Variants in CSMD3 observed in about 807,000 individuals in gnomAD.
The protein encoded by CSMD3 is CUB and Sushi multiple domains 3.
CSMD3 carries 177 observed loss-of-function variants against 435.2 expected under a neutral mutation model. The observed-to-expected ratio is 0.41, with a 90% CI of 0.36 to 0.46. The LOEUF (loss-of-function observed/expected upper bound fraction) is 0.46. Among genes scored for constraint, CSMD3 ranks in the 20% least tolerant of loss-of-function variants. The probability of loss-of-function intolerance (pLI) is 0.34; values close to 1 mark genes in which losing one functional copy is unlikely to be tolerated. For missense variants in CSMD3, 4,265 were observed against 4,504.6 expected, an observed-to-expected ratio of 0.95 and a Z score of 1.52; for synonymous variants, 1,656 against 1,520.5, an observed-to-expected ratio of 1.09 and a Z score of -2.07.
chr8:112,535,623 T>C (rs1825997415), intron 27 of CSMD3, among the ~76,000 whole-genome samples: 1 of 151,824 alleles, frequency 6.6e-6, no homozygotes, highest in Non-Finnish European at 1.5e-5. Context: ...TTCAATGCCA[T>C]CCCCATCAAG....
chr8:112,775,278 CTT>C (rs1369118917), intron 13 of CSMD3, among the ~76,000 whole-genome samples: 2 of 151,734 alleles, frequency 1.3e-5, no homozygotes, highest in South Asian at 2.1e-4. Context: ...ATGTCTACCT[CTT>C]GTCTAACAAG....
At chr8:112,881,146 C>T (rs1474882808) in intron 10 of CSMD3, among the ~76,000 whole-genome samples, 1 of 151,978 alleles carries the variant, frequency 6.6e-6, no homozygotes, top group East Asian at 1.9e-4. Context: ...CTCCTTCATG[C>T]ACCTCACGTT....
chr8:113,162,290 T>C (rs1473224386), intron 4 of CSMD3, among the ~76,000 whole-genome samples: 1 of 151,976 alleles, frequency 6.6e-6, no homozygotes, highest in African/African-American at 2.4e-5. Context: ...AACTTGTCAC[T>C]CTAGGCCAGG....
intron 6 of CSMD3, among the ~76,000 whole-genome samples, chr8:112,979,860 T>TA (rs1350180760): frequency 6.6e-6 from 1 of 151,106 alleles, no homozygotes; most frequent in Non-Finnish European, 1.5e-5. Flanking sequence ...AATATGAACT[T>TA]ATCTGAAATA....
intron 31 of CSMD3, among the ~76,000 whole-genome samples, chr8:112,482,051 A>G (rs997013193): frequency 2.6e-5 from 4 of 152,286 alleles, no homozygotes; most frequent in African/African-American, 9.6e-5. Context: ...AGTGGCTTAT[A>G]AACCATTTTA....
At chr8:112,528,214 T>C (rs1825175063) in intron 27 of CSMD3, among the ~76,000 whole-genome samples, 1 of 152,152 alleles carries the variant, frequency 6.6e-6, no homozygotes, top group Admixed American at 6.5e-5. Flanking sequence ...TTAATATAAG[T>C]ACTAAAAATT....
intron 11 of CSMD3, among the ~76,000 whole-genome samples, chr8:112,853,308 C>T (rs1587481210): frequency 6.6e-6 from 1 of 152,092 alleles, no homozygotes; most frequent in Non-Finnish European, 1.5e-5. Context: ...TCACTGTAAG[C>T]TCTGCCTCCC....
intron 32 of CSMD3, among the ~76,000 whole-genome samples, chr8:112,467,268 A>G (rs531944601): frequency 7.7e-4 from 118 of 152,322 alleles, no homozygotes; most frequent in Middle Eastern, 3.4e-3. Context: ...CCCATTTTGA[A>G]CATACCAAGT....
chr8:113,251,847 T>C (rs879878113), intron 3 of CSMD3, among the ~76,000 whole-genome samples: 1 of 152,072 alleles, frequency 6.6e-6, no homozygotes, highest in Non-Finnish European at 1.5e-5. Flanking sequence ...AGAGTTTTTA[T>C]GTTTTTATAC....
intron 4 of CSMD3, among the ~76,000 whole-genome samples, chr8:113,101,516 T>C (rs1312189037): frequency 6.6e-6 from 1 of 152,066 alleles, no homozygotes; most frequent in Non-Finnish European, 1.5e-5. Context: ...AATCAATTTC[T>C]CTACATGATC....
rs551586355 is a variant in CSMD3, at chr8:112,845,385, T to C, written c.1755+13760A>G. On this transcript the variant is annotated intron_variant, in intron 11 of 70. Coordinates refer to ENST00000297405, the MANE Select transcript of CSMD3 (RefSeq NM_198123.2). ...TAGGTGGGAAGATAGGACAGGCTTCTAGGAAAAGGTAAAAGATTACCTGAG... is the reference window on the plus strand; with the variant it reads ...TAGGTGGGAAGATAGGACAGGCTTCCAGGAAAAGGTAAAAGATTACCTGAG... 1.7e-4 allele frequency among the ~76,000 whole-genome samples: 26 copies of C among 152,128 alleles called. 1 individual carries two copies. The highest frequency in any genetic ancestry group is 1.4e-3 in the Admixed American group (22 of 15,228).
intron 4 of CSMD3, among the ~76,000 whole-genome samples, chr8:113,127,573 T>C (rs1456131539): frequency 2.0e-5 from 3 of 152,018 alleles, no homozygotes; most frequent in Non-Finnish European, 4.4e-5. Context: ...CAATAAATCC[T>C]GAATATGCCA....
At chr8:112,253,232 A>G (rs1383018363) in intron 63 of CSMD3, among the ~76,000 whole-genome samples, 1 of 151,944 alleles carries the variant, frequency 6.6e-6, no homozygotes, top group African/African-American at 2.4e-5. Context: ...CTAGTTGCCC[A>G]TTTTTCAGGA....
At chr8:112,314,368 T>G (rs1187101812) in intron 48 of CSMD3, 61 bp downstream of exon 48, 4 of 1,210,878 alleles carry the variant, frequency 3.3e-6, no homozygotes, top group African/African-American at 3.0e-5. Context: ...AAAGTTTACA[T>G]GTATAATTAG....
intron 1 of CSMD3, among the ~76,000 whole-genome samples, chr8:113,411,807 G>C (rs1440925737): frequency 1.3e-5 from 2 of 152,076 alleles, no homozygotes; most frequent in Admixed American, 1.3e-4. Context: ...TACAGTTTTA[G>C]TGAAAAACTC....
intron 3 of CSMD3, among the ~76,000 whole-genome samples, chr8:113,271,196 A>G (rs774261521): frequency 2.0e-5 from 3 of 152,120 alleles, no homozygotes; most frequent in Non-Finnish European, 4.4e-5. Context: ...CGCAGTAGAA[A>G]ACAAAAACCC....
intron 9 of CSMD3, among the ~76,000 whole-genome samples, chr8:112,926,297 A>G (rs1435930631): frequency 2.0e-5 from 3 of 151,846 alleles, no homozygotes; most frequent in Non-Finnish European, 4.4e-5. Flanking sequence ...CATTCCTAGG[A>G]AAGTATTCAG....
chr8:112,405,244 T>A (rs5014673), intron 35 of CSMD3, among the ~76,000 whole-genome samples: 1 of 83,322 alleles, frequency 1.2e-5, no homozygotes, highest in Non-Finnish European at 2.2e-5. Context: ...TATATATATA[T>A]ATACATATAT....
At chr8:112,836,920 A>T (rs569989262) in intron 11 of CSMD3, among the ~76,000 whole-genome samples, 1 of 151,986 alleles carries the variant, frequency 6.6e-6, no homozygotes, top group African/African-American at 2.4e-5. Context: ...CTAAACTTCA[A>T]GTTTGCTTGA....
Sources: gnomAD v4.1 joint callset for allele counts (sites outside exome capture counted in the v4.1 genomes callset) on GRCh38, gnomAD v4.1.1 for gene constraint, MANE v1.5 for transcripts, NCBI Gene and HGNC (gene_info 2026-07-23, HGNC 2026-07-21) for gene names.